Variants in SLC45A4 observed in about 807,000 individuals in gnomAD.
SLC45A4 encodes solute carrier family 45 member 4.
In SLC45A4, 32 loss-of-function variants were observed where a neutral mutation model predicts 63.7. The observed-to-expected ratio is 0.50, with a 90% CI of 0.38 to 0.67. The LOEUF is 0.67. Among genes scored for constraint, SLC45A4 ranks in the 30% least tolerant of loss-of-function variants. SLC45A4 has a pLI of 0.00. For synonymous variants in SLC45A4, 535 were observed against 510.0 expected, an observed-to-expected ratio of 1.05 and a Z score of -0.66; for missense variants, 1,027 against 1,157.7, an observed-to-expected ratio of 0.89 and a Z score of 1.64.
At chr8:141,294,433 C>A (rs1830470290) in intron 1 of SLC45A4, among the ~76,000 whole-genome samples, 1 of 152,208 alleles carries the variant, frequency 6.6e-6, no homozygotes, top group Admixed American at 6.5e-5. Flanking sequence ...CCTCACCAAC[C>A]CAATTCCAAG....
rs926400732 is a variant in SLC45A4, at chr8:141,237,132, T to C, written c.242-15367A>G. On this transcript the variant is annotated intron_variant, in intron 2 of 8. Coordinates refer to ENST00000517878, the MANE Select transcript of SLC45A4 (RefSeq NM_001286646.2). ...AGTAAGTTTGGAAATTGCCAAAATA[T>C]GATATATTGCTTACTATATGGGATT... is the stretch of plus-strand genomic sequence containing the variant. Among the ~76,000 whole-genome samples the C allele has an allele frequency of 3.3e-5, 5 of 152,340 alleles. No homozygotes were observed. The South Asian group carries it at 1.0e-3, about 32-fold the overall frequency.
intron 2 of SLC45A4, among the ~76,000 whole-genome samples, chr8:141,233,974 G>A (rs920198765): frequency 2.0e-5 from 3 of 152,192 alleles, no homozygotes; most frequent in Admixed American, 1.3e-4. Context: ...CCATCTACTA[G>A]CTCTGTTGAG....
chr8:141,271,275 C>T (rs948208140), intron 1 of SLC45A4, among the ~76,000 whole-genome samples: 9 of 152,178 alleles, frequency 5.9e-5, no homozygotes, highest in African/African-American at 2.2e-4. Flanking sequence ...TGGCAAGGCC[C>T]CTGCACCACA....
At chr8:141,217,371 C>T (rs972647310) in intron 5 of SLC45A4, among the ~76,000 whole-genome samples, 182 bp from the exon 6 acceptor site, 1 of 152,258 alleles carries the variant, frequency 6.6e-6, no homozygotes. Context: ...CCATGCCTCC[C>T]AGACCACGAA....
intron 7 of SLC45A4, among the ~76,000 whole-genome samples, chr8:141,214,645 G>C (rs1826028818): frequency 1.3e-5 from 2 of 152,198 alleles, no homozygotes; most frequent in South Asian, 4.1e-4. Flanking sequence ...TCTTGAAGAA[G>C]AACAAAGTTG....
At chr8:141,258,163 C>A (rs1017116263) in intron 1 of SLC45A4, among the ~76,000 whole-genome samples, 1 of 151,636 alleles carries the variant, frequency 6.6e-6, no homozygotes, top group African/African-American at 2.4e-5. Flanking sequence ...GGATCTGCCC[C>A]CTGGGTCACA....
Position 141,244,968 on chromosome 8 carries a change from G to GGGGGGGGGGGGGGGGGGGGGGGGC in SLC45A4, c.241+9020_241+9021insGCCCCCCCCCCCCCCCCCCCCCCC. Reference sequence around the variant, plus strand: ...CAAGAAGACGTGGGTGGGGGGGGGGGGCGGTGTGGAGGTGGAGGCTGGGCT... The same window carrying GGGGGGGGGGGGGGGGGGGGGGGGC: ...CAAGAAGACGTGGGTGGGGGGGGGGGGGGGGGGGGGGGGGGGGGGGGGGCGCGGTGTGGAGGTGGAGGCTGGGCT... On this transcript the variant is annotated intron_variant, in intron 2 of 8. Transcript: ENST00000517878. 9.7e-5 allele frequency among the ~76,000 whole-genome samples: 7 copies of GGGGGGGGGGGGGGGGGGGGGGGGC among 71,834 alleles called. 2 individuals are homozygous for GGGGGGGGGGGGGGGGGGGGGGGGC. The highest frequency in any genetic ancestry group is 2.5e-4 in the Non-Finnish European group (7 of 27,900). 47.1% of individuals were successfully genotyped at this position (71,834 alleles called of 152,430 possible).
At chr8:141,221,535 C>G (rs1163956045) in intron 3 of SLC45A4, 42 bp downstream of exon 3, 1 of 1,586,460 alleles carries the variant, frequency 6.3e-7, no homozygotes, top group Non-Finnish European at 8.6e-7. Context: ...GCCAGGACCC[C>G]GTCTGTGTTG....
chr8:141,251,468 C>T (rs1478337584), intron 2 of SLC45A4, among the ~76,000 whole-genome samples: 1 of 151,902 alleles, frequency 6.6e-6, no homozygotes, highest in Non-Finnish European at 1.5e-5. Flanking sequence ...AGCTAAGCCC[C>T]CTGGCCCACA....
At chr8:141,222,953 CATACT>C (rs1826741407) in intron 2 of SLC45A4, among the ~76,000 whole-genome samples, 1 of 152,238 alleles carries the variant, frequency 6.6e-6, no homozygotes, top group Non-Finnish European at 1.5e-5. Flanking sequence ...GCCCTCTCCC[CATACT>C]ATACGTCAGT....
intron 1 of SLC45A4, among the ~76,000 whole-genome samples, chr8:141,293,752 G>A (rs1830439747): frequency 6.6e-6 from 1 of 152,098 alleles, no homozygotes. Flanking sequence ...GGCAAACATG[G>A]TGAAACCCCG....
intron 1 of SLC45A4, among the ~76,000 whole-genome samples, chr8:141,277,325 C>T (rs1164561775): frequency 6.6e-6 from 1 of 152,218 alleles, no homozygotes; most frequent in African/African-American, 2.4e-5. Flanking sequence ...TCAGAAATGT[C>T]AACTGATCCC....
At chr8:141,304,739 G>A (rs965448785) in intron 1 of SLC45A4, among the ~76,000 whole-genome samples, 1 of 151,980 alleles carries the variant, frequency 6.6e-6, no homozygotes, top group African/African-American at 2.4e-5. Context: ...CAAGTGTCCC[G>A]TCTTCCTGGG....
intron 6 of SLC45A4, among the ~76,000 whole-genome samples, chr8:141,216,708 C>A (rs561460040): frequency 7.1e-6 from 1 of 140,636 alleles, no homozygotes; most frequent in South Asian, 2.4e-4. Flanking sequence ...CGGCCCCATC[C>A]CTCAGGGTGA....
intron 6 of SLC45A4, among the ~76,000 whole-genome samples, chr8:141,216,744 T>G (rs1826178100): frequency 6.6e-6 from 1 of 152,134 alleles, no homozygotes; most frequent in African/African-American, 2.4e-5. Flanking sequence ...GCTCCTCCAC[T>G]GCTCTGATCA....
intron 1 of SLC45A4, among the ~76,000 whole-genome samples, chr8:141,284,050 T>C (rs992763599): frequency 6.6e-6 from 1 of 152,192 alleles, no homozygotes; most frequent in Admixed American, 6.5e-5. Flanking sequence ...ACTGCTGATA[T>C]ATTTTCTCCA....
intron 2 of SLC45A4, among the ~76,000 whole-genome samples, chr8:141,246,694 C>G (rs1365454682): frequency 1.3e-5 from 2 of 152,208 alleles, no homozygotes; most frequent in Admixed American, 6.5e-5. Context: ...CTTAGAGCCT[C>G]TTTATACTCC....
chr8:141,218,658 G>T lies in SLC45A4; in HGVS notation c.982C>A (p.His328Asn). ...TGGAAGATGGAGGGCTCGATGTCGTGCAGGAACAGCAGCTCGGGCTCCAGG... is the reference window on the plus strand; with the variant it reads ...TGGAAGATGGAGGGCTCGATGTCGTTCAGGAACAGCAGCTCGGGCTCCAGG... ...LDLEPELLFL[H>N]DIEPSIFHDA... The change falls in exon 5 of 9, where the codon CAC becomes AAC. Residue 328 changes from histidine (H) to asparagine (N), a missense_variant. Transcript: ENST00000517878. 1 of 1,613,372 alleles carries T rather than the reference G, an allele frequency of 6.2e-7. No individual in the cohort carries two copies. Among genetic ancestry groups the T allele is most frequent in the Non-Finnish European group, 8.5e-7 (1 of 1,179,906 alleles).
chr8:141,224,251 T>C (rs2154614131), intron 2 of SLC45A4: 1 of 152,268 alleles, frequency 6.6e-6, no homozygotes, highest in Admixed American at 6.5e-5. Context: ...ATGGATCCTT[T>C]TTTCTCTGGC....
Sources: gnomAD v4.1 joint callset for allele counts (sites outside exome capture counted in the v4.1 genomes callset) on GRCh38, gnomAD v4.1.1 for gene constraint, MANE v1.5 for transcripts, NCBI Gene and HGNC (gene_info 2026-07-23, HGNC 2026-07-21) for gene names.